The following PTCD2 variants were observed in gnomAD, a reference collection of about 807,000 sequenced individuals.
PTCD2 encodes the protein pentatricopeptide repeat domain 2, also known as pentatricopeptide repeat-containing protein 2, mitochondrial.
PTCD2 carries 31 observed loss-of-function variants against 42.6 expected under a neutral mutation model. That is an observed-to-expected ratio of 0.73 (90% CI 0.55 to 0.98). PTCD2 has a LOEUF of 0.98. Among genes scored for constraint, PTCD2 ranks in the 50% least tolerant of loss-of-function variants. The probability of loss-of-function intolerance (pLI) is 0.00; values close to 1 mark genes in which losing one functional copy is unlikely to be tolerated. For synonymous variants in PTCD2, 183 were observed against 170.9 expected, an observed-to-expected ratio of 1.07 and a Z score of -0.55; for missense variants, 476 against 454.8, an observed-to-expected ratio of 1.05 and a Z score of -0.42.
chr5:72,366,788 C>G lies in PTCD2; in HGVS notation c.*8361C>G, dbSNP rs1753215267. The G allele has an allele frequency of 6.6e-6, 1 of 152,188 alleles. No individual in the cohort carries two copies. The highest frequency in any genetic ancestry group is 6.5e-5 in the Admixed American group (1 of 15,290). The allele number at this position is 152,188 out of a possible 1,614,324, so 9.4% of individuals were successfully genotyped here. On this transcript the variant is annotated 3_prime_UTR_variant, in exon 10 of 10. Coordinates refer to ENST00000380639, the MANE Select transcript of PTCD2 (RefSeq NM_024754.5). ...AAGTTGATCCTCTGCAGAAAGTAGA[C>G]CAATGTAAGTATCATGCAATGTGTC...
At chr5:72,326,859 C>T in intron 3 of PTCD2, 118 bp downstream of exon 3, 8 of 1,003,646 alleles carry the variant, frequency 8.0e-6, no homozygotes, top group Non-Finnish European at 1.0e-5. Flanking sequence ...TTCCAGATCT[C>T]TTGTTCGGAT....
Position 72,356,732 on chromosome 5 carries a change from A to G in PTCD2, c.943-1471A>G, listed in dbSNP as rs546869192. 6.6e-5 allele frequency among the ~76,000 whole-genome samples: 10 copies of G among 152,322 alleles called. No individual in the cohort carries two copies. The South Asian group carries it at 1.9e-3, about 28-fold the overall frequency. The stretch of plus-strand genomic sequence containing the variant: ...TGCTTTTAGAAGCCATATGCTGCAC[A>G]TTAAGTCATTTTCACCTTGAACATG... On this transcript the variant is annotated intron_variant, in intron 9 of 9. Transcript: ENST00000380639.
chr5:72,347,042 T>C (rs1194221504), intron 8 of PTCD2, among the ~76,000 whole-genome samples: 6 of 152,224 alleles, frequency 3.9e-5, no homozygotes, highest in Non-Finnish European at 7.3e-5. Flanking sequence ...AGATTTGTTA[T>C]ACAACTCTAT....
chr5:72,326,785 C>A, intron 3 of PTCD2, 44 bp downstream of exon 3: 1 of 1,594,278 alleles, frequency 6.3e-7, no homozygotes, highest in Admixed American at 1.7e-5. Flanking sequence ...TCCCTTCTTA[C>A]TCTGTTCCTT....
At chr5:72,338,883 C>T (rs1405751734) in intron 7 of PTCD2, 148 bp downstream of exon 7, 1 of 502,190 alleles carries the variant, frequency 2.0e-6, no homozygotes, top group African/African-American at 2.0e-5. Context: ...CCATGGCAAC[C>T]TATATCTATA....
At chr5:72,334,059 G>A (rs932258054) in intron 4 of PTCD2, among the ~76,000 whole-genome samples, 2 of 151,926 alleles carry the variant, frequency 1.3e-5, no homozygotes, top group Non-Finnish European at 2.9e-5. Flanking sequence ...TTAAGAGATG[G>A]GATCTTGCTG....
chr5:72,329,978 G>A (rs1751355204), intron 3 of PTCD2, among the ~76,000 whole-genome samples: 1 of 151,330 alleles, frequency 6.6e-6, no homozygotes, highest in African/African-American at 2.4e-5. Flanking sequence ...TGTCGCCCAG[G>A]CTGGAGTGCA....
intron 8 of PTCD2, among the ~76,000 whole-genome samples, chr5:72,348,894 C>G (rs571235892): frequency 6.6e-6 from 1 of 152,280 alleles, no homozygotes; most frequent in African/African-American, 2.4e-5. Context: ...TTAGGTCACC[C>G]TAAAGTTCTA....
intron 4 of PTCD2, 121 bp downstream of exon 4, chr5:72,331,496 AAT>A: frequency 1.3e-6 from 1 of 752,596 alleles, no homozygotes; most frequent in Non-Finnish European, 2.4e-6. Context: ...GCTGGGGCTG[AAT>A]GAGCACATCT....
intron 8 of PTCD2, among the ~76,000 whole-genome samples, chr5:72,346,481 G>A (rs1453108222): frequency 1.3e-5 from 2 of 152,194 alleles, no homozygotes; most frequent in East Asian, 3.8e-4. Flanking sequence ...CCTGCTGCAG[G>A]TAGCTCCTGT....
At chr5:72,346,783 A>G (rs529513377) in intron 8 of PTCD2, among the ~76,000 whole-genome samples, 6 of 152,334 alleles carry the variant, frequency 3.9e-5, no homozygotes, top group South Asian at 2.1e-4. Context: ...CCCATCTATC[A>G]TGATGGGACA....
intron 2 of PTCD2, among the ~76,000 whole-genome samples, chr5:72,323,481 G>A (rs904285830): frequency 6.6e-6 from 1 of 151,848 alleles, no homozygotes; most frequent in African/African-American, 2.4e-5. Context: ...GGTCCCTGGG[G>A]GTTGTGGATA....
intron 2 of PTCD2, among the ~76,000 whole-genome samples, chr5:72,324,530 C>T (rs1751037731): frequency 6.6e-6 from 1 of 152,194 alleles, no homozygotes; most frequent in African/African-American, 2.4e-5. Flanking sequence ...CTCCATTTCT[C>T]CAACCTGATT....
intron 9 of PTCD2, among the ~76,000 whole-genome samples, chr5:72,353,826 T>C (rs1443949383): frequency 1.3e-5 from 2 of 152,186 alleles, no homozygotes; most frequent in Non-Finnish European, 2.9e-5. Context: ...TATATATTCT[T>C]ATACCACAAA....
At position 72,359,598 on chromosome 5, in the gene PTCD2, T is replaced by G. The variant is rs184789637; in HGVS notation, c.*1171T>G. On this transcript the variant is annotated 3_prime_UTR_variant, in exon 10 of 10. Transcript: ENST00000380639. ...GAGTCTCCTAATTAATTCCTTCATC[T>G]TTCAGGTTAAGGAAACGATCCATGC... The G allele has an allele frequency of 6.6e-6, 1 of 152,302 alleles. No individual in the cohort carries two copies. Among genetic ancestry groups the G allele is most frequent in the African/African-American group, 2.4e-5 (1 of 41,568 alleles). The allele number at this position is 152,302 out of a possible 1,614,324, so 9.4% of individuals were successfully genotyped here. A position where few individuals can be genotyped will look rare whatever the true frequency, so the allele number is the denominator to read the frequency against.
rs796143407 is a variant in PTCD2, at chr5:72,331,546, A to AG, written c.468+177dup. Among the ~76,000 whole-genome samples the AG allele has an allele frequency of 5.9e-5, 9 of 152,272 alleles. No homozygotes were observed. In the East Asian group the frequency reaches 7.7e-4, roughly 13 times the overall value. On this transcript the variant is annotated intron_variant, in intron 4 of 9. Transcript: ENST00000380639. ...GTTTCCTTGCAGTCAGTTTGTGTGA[A>AG]GGGGGGTGGAGTAATATAGAACAAG...
At chr5:72,355,411 A>T (rs901755247) in intron 9 of PTCD2, among the ~76,000 whole-genome samples, 2 of 152,206 alleles carry the variant, frequency 1.3e-5, no homozygotes, top group African/African-American at 2.4e-5. Context: ...TAATTGACAA[A>T]TTATTTTTTA....
chr5:72,351,564 A>G (rs1179480052), intron 8 of PTCD2, among the ~76,000 whole-genome samples: 1 of 152,214 alleles, frequency 6.6e-6, no homozygotes, highest in African/African-American at 2.4e-5. Flanking sequence ...GACTCACAGT[A>G]TCACATGGCT....
chr5:72,344,768 G>C (rs1752270601), intron 8 of PTCD2, among the ~76,000 whole-genome samples: 1 of 152,160 alleles, frequency 6.6e-6, no homozygotes, highest in Non-Finnish European at 1.5e-5. Context: ...CATGTCGGCA[G>C]GTTCCGTGAT....
Sources: allele counts gnomAD v4.1 joint callset (sites outside exome capture counted in the v4.1 genomes callset), GRCh38; gene constraint gnomAD v4.1.1; transcripts MANE v1.5; gene names NCBI Gene and HGNC (gene_info 2026-07-23, HGNC 2026-07-21).